Variants in XRN2 observed in about 807,000 individuals in gnomAD.
The protein encoded by XRN2 is DHM1-like protein.
In XRN2, 44 loss-of-function variants were observed where a neutral mutation model predicts 138.5. That is an observed-to-expected ratio of 0.32 (90% CI 0.25 to 0.41). The LOEUF (loss-of-function observed/expected upper bound fraction) is 0.41, where lower values mean the gene tolerates loss of function less well. XRN2 is among the 10% of genes least tolerant of loss of function. The probability of loss-of-function intolerance (pLI) is 1.00; values close to 1 mark genes in which losing one functional copy is unlikely to be tolerated. For synonymous variants in XRN2, 354 were observed against 369.4 expected (o/e 0.96, Z 0.48); for missense variants, 937 against 1,169.3 (o/e 0.80, Z 2.90).
At chr20:21,319,257 T>C (rs759389612) in intron 1 of XRN2, among the ~76,000 whole-genome samples, 2 of 152,170 alleles carry the variant, frequency 1.3e-5, no homozygotes, top group African/African-American at 4.8e-5. Context: ...CATTTACTTT[T>C]ACTCTTTTGG....
At chr20:21,332,248 C>G in intron 8 of XRN2, 35 bp from the exon 9 acceptor site, 1 of 1,596,360 alleles carries the variant, frequency 6.3e-7, no homozygotes, top group African/African-American at 1.3e-5. Context: ...TCAGAATACT[C>G]ACTGTTCGAT....
At chr20:21,319,522 C>G (rs2038008834) in intron 1 of XRN2, among the ~76,000 whole-genome samples, 1 of 151,806 alleles carries the variant, frequency 6.6e-6, no homozygotes, top group Admixed American at 6.6e-5. Context: ...TTTTCTTATT[C>G]AGTGGCCAGT....
intron 27 of XRN2, among the ~76,000 whole-genome samples, chr20:21,373,797 A>C (rs1016842822): frequency 6.6e-6 from 1 of 152,032 alleles, no homozygotes; most frequent in East Asian, 1.9e-4. Flanking sequence ...GTAGTGTTCA[A>C]GGTTTGTGTG....
At chr20:21,329,372 G>A (rs2038171443) in intron 4 of XRN2, among the ~76,000 whole-genome samples, 1 of 152,206 alleles carries the variant, frequency 6.6e-6, no homozygotes, top group South Asian at 2.1e-4. Flanking sequence ...CTGTGTGTGA[G>A]GTAGGGTATG....
chr20:21,348,425 G>T lies in XRN2; in HGVS notation c.1858G>T (p.Asp620Tyr). 6.2e-7 allele frequency: 1 copy of T among 1,613,712 alleles called. No homozygotes were observed. ...TCCATCATGGCGGAAGCTCATGAGTGATCCTGTGAGTCTCAGTATTTTGAG... is the reference window on the plus strand; with the variant it reads ...TCCATCATGGCGGAAGCTCATGAGTTATCCTGTGAGTCTCAGTATTTTGAG... The part of the protein sequence containing the change: ...LPPSWRKLMS[D>Y]PDSSIIDFYP... The change falls in exon 19 of 30, where the codon GAT becomes TAT. Residue 620 changes from aspartate to tyrosine, a missense_variant. Asp to Tyr is a radical substitution (Grantham distance 160, BLOSUM62 -3). Around this residue, in one of 6 missense-constraint regions of XRN2, gnomAD observed 372 missense variants for 414.4 expected, o/e 0.90. Transcript: ENST00000377191.
chr20:21,308,134 A>G lies in XRN2; in HGVS notation c.75+4661A>G, dbSNP rs6132414. On this transcript the variant is annotated intron_variant, in intron 1 of 29. Coordinates refer to ENST00000377191, the MANE Select transcript of XRN2 (RefSeq NM_012255.5). Reference sequence around the variant, plus strand: ...GTATTTTTAGTAGAGATGGAGTTTCACCATGTTGGCCAGGCTGGTCTTGAA... The same window carrying G: ...GTATTTTTAGTAGAGATGGAGTTTCGCCATGTTGGCCAGGCTGGTCTTGAA... Among the ~76,000 whole-genome samples, 10 of 18,454 alleles carry G rather than the reference A, an allele frequency of 5.4e-4. 3 individuals are homozygous for G. The highest frequency in any genetic ancestry group is 1.2e-3 in the Non-Finnish European group (7 of 5,882). 12.1% of individuals were successfully genotyped at this position (18,454 alleles called of 152,430 possible).
At position 21,348,233 on chromosome 20, in the gene XRN2, T is replaced by A. The variant is rs990385057; in HGVS notation, c.1753T>A (p.Phe585Ile). 6.2e-7 allele frequency: 1 copy of A among 1,614,016 alleles called. No individual in the cohort carries two copies. Among genetic ancestry groups the A allele is most frequent in the African/African-American group, 1.3e-5 (1 of 75,036 alleles). The change falls in exon 18 of 30, where the codon TTT becomes ATT. Residue 585 changes from phenylalanine (F) to isoleucine (I), a missense_variant. Physicochemically the swap from Phe to Ile is conservative, Grantham distance 21 (BLOSUM62 0). Coordinates refer to ENST00000377191, the MANE Select transcript of XRN2 (RefSeq NM_012255.5). ...FEGIADMPSD[F>I]EKGTKPFKPL... ...AGGCATTGCAGACATGCCATCTGAT[T>A]TTGAGAAGGGTACGAAACCGGTAAG...
rs1184620550 is a variant in XRN2 at position 21,307,865 on chromosome 20, CAGTT to C, written c.75+4394_75+4397del. On this transcript the variant is annotated intron_variant, in intron 1 of 29. Coordinates refer to ENST00000377191, the MANE Select transcript of XRN2 (RefSeq NM_012255.5). ...TATAGTATATACTCATTTTTTGCCT[CAGTT>C]ACTTTCATTCAGTATACTTATTTTG... 1.3e-4 allele frequency among the ~76,000 whole-genome samples: 10 copies of C among 77,762 alleles called. 3 individuals are homozygous for C. The highest frequency in any genetic ancestry group is 3.5e-4 in the African/African-American group (10 of 28,568). The allele number at this position is 77,762 out of a possible 152,430, so 51.0% of individuals were successfully genotyped here. A position where few individuals can be genotyped will look rare whatever the true frequency, so the allele number is the denominator to read the frequency against.
intron 14 of XRN2, 62 bp downstream of exon 14, chr20:21,339,150 T>C: frequency 6.7e-7 from 1 of 1,500,344 alleles, no homozygotes; most frequent in Non-Finnish European, 9.2e-7. Flanking sequence ...ATGAGGAAGA[T>C]GTTCATTACA....
chr20:21,364,015 T>G (rs1027393130), intron 24 of XRN2, among the ~76,000 whole-genome samples: 1 of 152,130 alleles, frequency 6.6e-6, no homozygotes, highest in Non-Finnish European at 1.5e-5. Context: ...CACTGCGACC[T>G]CTGCCTCTCA....
At chr20:21,375,326 T>G (rs2038808878) in intron 27 of XRN2, among the ~76,000 whole-genome samples, 1 of 151,908 alleles carries the variant, frequency 6.6e-6, no homozygotes, top group South Asian at 2.1e-4. Flanking sequence ...TGCTTTTGTC[T>G]TCATTATTCT....
At chr20:21,374,215 T>C (rs1285249348) in intron 27 of XRN2, among the ~76,000 whole-genome samples, 3 of 152,232 alleles carry the variant, frequency 2.0e-5, no homozygotes, top group African/African-American at 7.2e-5. Flanking sequence ...TCTAATAGTT[T>C]ATATGTTCTT....
intron 29 of XRN2, 28 bp downstream of exon 29, chr20:21,387,034 C>T (rs766675326): frequency 6.3e-7 from 1 of 1,586,432 alleles, no homozygotes; most frequent in Non-Finnish European, 8.6e-7. Flanking sequence ...GAAAAGTATA[C>T]TGCTCACTTT....
In XRN2 at chr20:21,381,324, T is replaced by C. The variant is rs144423698; in HGVS notation, c.2585-670T>C. Among the ~76,000 whole-genome samples the C allele has an allele frequency of 3.9e-3, 588 of 152,342 alleles. 6 individuals carry two copies. Among genetic ancestry groups the C allele is most frequent in the African/African-American group, 0.014 (567 of 41,568 alleles). On this transcript the variant is annotated intron_variant, in intron 27 of 29. Transcript: ENST00000377191. ...GACTGCAAGCTGTGGTTCGCTGATATAGACAGGCCCAGATGTTTCTTTCAT... is the reference window on the plus strand; with the variant it reads ...GACTGCAAGCTGTGGTTCGCTGATACAGACAGGCCCAGATGTTTCTTTCAT...
intron 27 of XRN2, among the ~76,000 whole-genome samples, chr20:21,381,221 C>T (rs1600720951): frequency 1.3e-5 from 2 of 152,256 alleles, no homozygotes; most frequent in East Asian, 3.9e-4. Flanking sequence ...TTACTGTCCT[C>T]ACATGGTGAA....
In XRN2 at chr20:21,381,994, A is replaced by G. The variant is rs1252466847; in HGVS notation, c.2585A>G (p.Asn862Ser). 1 of 1,607,548 alleles carries G rather than the reference A, an allele frequency of 6.2e-7. No homozygotes were observed. ...GQAQIPKLMS[N>S]MRPQDSWRGP... ...TAACCCTTTCCTGTTTCTTTTTCAG[A>G]TATGAGGCCCCAGGATTCCTGGCGA... The change falls in exon 28 of 30, where the codon AAT (asparagine) becomes AGT (serine). Residue 862 changes from asparagine (N) to serine (S), a missense_variant and splice_region_variant. By Grantham distance (46) the Asn-to-Ser change is conservative. Coordinates refer to ENST00000377191, the MANE Select transcript of XRN2 (RefSeq NM_012255.5).
chr20:21,333,848 T>C lies in XRN2; in HGVS notation c.1067+11T>C, dbSNP rs1260676150. On this transcript the variant is annotated intron_variant, in intron 11 of 29. Transcript: ENST00000377191. ...ATCGTTAGAGATTAGGTATGTGCAT[T>C]TGTGTAGCTTTTCAAACGACTGTTT... is the stretch of plus-strand genomic sequence containing the variant. 1 of 1,614,132 alleles carries C rather than the reference T, an allele frequency of 6.2e-7. No homozygotes were observed. Among genetic ancestry groups the C allele is most frequent in the South Asian group, 1.1e-5 (1 of 91,076 alleles).
chr20:21,356,724 T>G, intron 23 of XRN2, 59 bp downstream of exon 23: 1 of 1,405,646 alleles, frequency 7.1e-7, no homozygotes, highest in Non-Finnish European at 9.9e-7. Flanking sequence ...TAGGATTTTT[T>G]TCCTTGTTGT....
intron 1 of XRN2, among the ~76,000 whole-genome samples, chr20:21,321,629 GTTC>G (rs1396168845): frequency 6.6e-6 from 1 of 152,060 alleles, no homozygotes; most frequent in Non-Finnish European, 1.5e-5. Flanking sequence ...TACTTTCACT[GTTC>G]TTGAGAACAG....
Sources: gnomAD v4.1 joint callset for allele counts (sites outside exome capture counted in the v4.1 genomes callset) on GRCh38, gnomAD v4.1.1 for gene constraint, gnomAD v4.1.1 regional missense constraint, MANE v1.5 for transcripts, NCBI Gene and HGNC (gene_info 2026-07-23, HGNC 2026-07-21) for gene names.